The following MFHAS1 variants were observed in gnomAD, a reference collection of about 807,000 sequenced individuals.
MFHAS1 encodes the protein malignant fibrous histiocytoma-amplified sequence 1.
MFHAS1 carries 50 observed loss-of-function variants against 70.4 expected under a neutral mutation model. The ratio of observed to expected loss-of-function variants is 0.71; its 90% CI spans 0.57 to 0.90. MFHAS1 has a LOEUF of 0.90. Ranked by LOEUF, MFHAS1 falls within the 40% of genes least tolerant of loss-of-function variation. The pLI, the probability that MFHAS1 is intolerant of heterozygous loss-of-function variation, is 0.00. For synonymous variants in MFHAS1, 952 were observed against 620.0 expected (o/e 1.54, Z -7.96); for missense variants, 1,795 against 1,347.6 (o/e 1.33, Z -5.20).
At chr8:8,861,166 G>A (rs1289477909) in intron 1 of MFHAS1, among the ~76,000 whole-genome samples, 1 of 152,192 alleles carries the variant, frequency 6.6e-6, no homozygotes, top group Non-Finnish European at 1.5e-5. Flanking sequence ...CTACCGAACT[G>A]AATTAAAGCA....
In MFHAS1 at chr8:8,892,974, G is replaced by C. The variant is rs935171713; in HGVS notation, c.85C>G (p.Leu29Val). The C allele has an allele frequency of 1.1e-5, 17 of 1,543,060 alleles. No individual in the cohort carries two copies. Among genetic ancestry groups the C allele is most frequent in the Admixed American group, 7.9e-5 (4 of 50,734 alleles). The change falls in exon 1 of 3, where the codon CTG becomes GTG. Residue 29 changes from leucine to valine, a missense_variant. Leu to Val is a conservative substitution (Grantham distance 32). Transcript: ENST00000276282. The surrounding 1 kb of genome is among the most constrained non-coding windows in gnomAD (Gnocchi z 4.7). ...GCGGCGGTAAGCGTGAGCTGGCGCA[G>C]GTTGCTCCGCAGCTTCCTGGCACGC... Reference protein sequence around the residue: ...ALRARKLRSNLRQLTLTAAGA... With the variant: ...ALRARKLRSNVRQLTLTAAGA...
In MFHAS1 at chr8:8,784,096, T is replaced by C. The variant is rs60951794; in HGVS notation, c.*1926A>G. 270 of 152,306 alleles carry C rather than the reference T, an allele frequency of 1.8e-3. No individual in the cohort carries two copies. Among genetic ancestry groups the C allele is most frequent in the African/African-American group, 6.4e-3 (267 of 41,560 alleles). 9.4% of individuals were successfully genotyped at this position (152,306 alleles called of 1,614,324 possible). A position where few individuals can be genotyped will look rare whatever the true frequency, so the allele number is the denominator to read the frequency against. On this transcript the variant is annotated 3_prime_UTR_variant, in exon 3 of 3. Coordinates refer to ENST00000276282, the MANE Select transcript of MFHAS1 (RefSeq NM_004225.3). Reference sequence around the variant, plus strand: ...GGGTGTGTCACCCAAAGGAGCATTTTTGTCATTTAATATGGTCCCCGGGGA... The same window carrying C: ...GGGTGTGTCACCCAAAGGAGCATTTCTGTCATTTAATATGGTCCCCGGGGA...
intron 1 of MFHAS1, among the ~76,000 whole-genome samples, chr8:8,799,735 G>A (rs550444708): frequency 6.6e-6 from 1 of 152,208 alleles, no homozygotes; most frequent in African/African-American, 2.4e-5. Flanking sequence ...CAACCCGGGC[G>A]ACAGAGTGAG....
At chr8:8,885,524 G>C (rs1809720633) in intron 1 of MFHAS1, among the ~76,000 whole-genome samples, 1 of 152,108 alleles carries the variant, frequency 6.6e-6, no homozygotes, top group Non-Finnish European at 1.5e-5. Flanking sequence ...CCAACTCTTT[G>C]AGTTTAGAGG....
At chr8:8,795,038 A>G (rs1448034182) in intron 2 of MFHAS1, among the ~76,000 whole-genome samples, 1 of 152,222 alleles carries the variant, frequency 6.6e-6, no homozygotes, top group Non-Finnish European at 1.5e-5. Flanking sequence ...TCCTACCTCT[A>G]TCGCACCTAT....
At chr8:8,881,115 C>A (rs1001118072) in intron 1 of MFHAS1, among the ~76,000 whole-genome samples, 6 of 152,158 alleles carry the variant, frequency 3.9e-5, no homozygotes, top group Non-Finnish European at 1.5e-5. Flanking sequence ...TTTTTAGACT[C>A]TTTGCTTCTA....
chr8:8,877,786 G>C (rs1809353393), intron 1 of MFHAS1, among the ~76,000 whole-genome samples: 1 of 152,198 alleles, frequency 6.6e-6, no homozygotes, highest in South Asian at 2.1e-4. Context: ...AAAGGGACAG[G>C]CTAGAACAAT....
intron 1 of MFHAS1, among the ~76,000 whole-genome samples, chr8:8,822,365 C>G (rs965513656): frequency 1.3e-5 from 2 of 152,114 alleles, no homozygotes; most frequent in Non-Finnish European, 2.9e-5. Flanking sequence ...TGAGACGTGA[C>G]CATGCCTGAT....
rs1006816395 is a variant in MFHAS1, at chr8:8,873,727, C to A, written c.2998+16334G>T. On this transcript the variant is annotated intron_variant, in intron 1 of 2. Transcript: ENST00000276282. The stretch of plus-strand genomic sequence containing the variant: ...TACAAATAAAAACAACCACGCAGCG[C>A]GGGAAGATTTTTGTTTAGAAAACAG... Among the ~76,000 whole-genome samples, 5 of 152,204 alleles carry A rather than the reference C, an allele frequency of 3.3e-5. No homozygotes were observed. The East Asian group carries it at 5.8e-4, about 18-fold the overall frequency.
intron 1 of MFHAS1, among the ~76,000 whole-genome samples, chr8:8,873,459 A>G (rs552833344): frequency 1.4e-5 from 2 of 146,876 alleles, no homozygotes; most frequent in South Asian, 4.4e-4. Flanking sequence ...CAACTATAAC[A>G]GGATTTAATT....
At chr8:8,839,311 GT>G (rs1180912466) in intron 1 of MFHAS1, among the ~76,000 whole-genome samples, 6 of 152,218 alleles carry the variant, frequency 3.9e-5, no homozygotes, top group African/African-American at 1.4e-4. Context: ...TCCAACATAT[GT>G]AAAGCCATTA....
At chr8:8,849,420 C>T (rs985959204) in intron 1 of MFHAS1, among the ~76,000 whole-genome samples, 5 of 152,182 alleles carry the variant, frequency 3.3e-5, no homozygotes, top group Non-Finnish European at 7.4e-5. Context: ...GAAAGTAATA[C>T]TTGCAGCAAG....
intron 1 of MFHAS1, among the ~76,000 whole-genome samples, chr8:8,849,450 T>C (rs1808159305): frequency 6.6e-6 from 1 of 152,228 alleles, no homozygotes. Flanking sequence ...TTCACTGATT[T>C]TCTGCCTTCA....
intron 1 of MFHAS1, among the ~76,000 whole-genome samples, chr8:8,817,665 G>C (rs981777377): frequency 2.0e-5 from 3 of 152,232 alleles, no homozygotes; most frequent in African/African-American, 7.2e-5. Flanking sequence ...TTTGGCACTA[G>C]AAACCAGTTT....
intron 2 of MFHAS1, 48 bp from the exon 3 acceptor site, chr8:8,786,103 G>C: frequency 6.7e-7 from 1 of 1,501,736 alleles, no homozygotes; most frequent in Non-Finnish European, 9.3e-7. Flanking sequence ...AAAACGTACT[G>C]GACAATGCTA....
intron 1 of MFHAS1, among the ~76,000 whole-genome samples, chr8:8,870,369 A>C (rs982977269): frequency 6.6e-6 from 1 of 151,894 alleles, no homozygotes; most frequent in Non-Finnish European, 1.5e-5. Context: ...GGGAGGCTGC[A>C]GTGGAAGGAT....
At chr8:8,889,012 G>GA (rs66863310) in intron 1 of MFHAS1, among the ~76,000 whole-genome samples, 80 of 40,620 alleles carry the variant, frequency 2.0e-3, no homozygotes, top group South Asian at 4.8e-3. Flanking sequence ...ACTGCTCTAA[G>GA]AAAAAAAAAA....
In MFHAS1 at chr8:8,890,292, C is replaced by A; in HGVS notation, c.2767G>T (p.Val923Phe). ...KFQIFAYRGK[V>F]PVVVSYRPAR... ...GGTCTGTAACTCACAACCACAGGAA[C>A]TTTCCCTCTATAGGCAAAGATCTGA... The change falls in exon 1 of 3, where the codon GTT becomes TTT. Residue 923 changes from valine (V) to phenylalanine (F), a missense_variant. Val to Phe is a conservative substitution (Grantham distance 50). Coordinates refer to ENST00000276282, the MANE Select transcript of MFHAS1 (RefSeq NM_004225.3). 1 of 1,614,236 alleles carries A rather than the reference C, an allele frequency of 6.2e-7. No individual in the cohort carries two copies. Among genetic ancestry groups the A allele is most frequent in the Non-Finnish European group, 8.5e-7 (1 of 1,180,038 alleles).
At chr8:8,862,726 G>A (rs954363112) in intron 1 of MFHAS1, among the ~76,000 whole-genome samples, 2 of 152,112 alleles carry the variant, frequency 1.3e-5, no homozygotes, top group Non-Finnish European at 2.9e-5. Flanking sequence ...ACTGGACTTC[G>A]TGTGACAATG....
Sources: allele counts gnomAD v4.1 joint callset (sites outside exome capture counted in the v4.1 genomes callset), GRCh38; gene constraint gnomAD v4.1.1; non-coding constraint Gnocchi (gnomAD v3.1); transcripts MANE v1.5; gene names NCBI Gene and HGNC (gene_info 2026-07-23, HGNC 2026-07-21).